Variants in ANKRD36C observed in about 807,000 individuals in gnomAD.
ANKRD36C encodes ankyrin repeat domain 36C.
A neutral mutation model predicts 276.4 loss-of-function variants in ANKRD36C; 61 were observed. That is an observed-to-expected ratio of 0.22 (90% confidence interval 0.18 to 0.27). ANKRD36C has a LOEUF of 0.27. ANKRD36C is among the 10% of genes least tolerant of loss of function. The pLI is 1.00. For synonymous variants in ANKRD36C, 483 were observed against 680.1 expected (o/e 0.71, Z 4.51); for missense variants, 1,447 against 2,032.3 (o/e 0.71, Z 5.54).
intron 44 of ANKRD36C, among the ~76,000 whole-genome samples, chr2:95,892,336 CA>C (rs1306048122): frequency 6.6e-6 from 1 of 151,440 alleles, no homozygotes; most frequent in African/African-American, 2.4e-5. Context: ...GATAACAATT[CA>C]ATTGAATGTA....
chr2:95,882,769 G>A (rs1047282188), intron 54 of ANKRD36C, among the ~76,000 whole-genome samples: 31 of 152,092 alleles, frequency 2.0e-4, no homozygotes, highest in African/African-American at 7.5e-4. Context: ...ATATCAATGT[G>A]GATATACTGA....
At chr2:95,963,972 A>AATATATATATAT (rs1160108122) in intron 6 of ANKRD36C, among the ~76,000 whole-genome samples, 11 of 48,966 alleles carry the variant, frequency 2.2e-4, no homozygotes, top group East Asian at 5.7e-4. Context: ...TATATATATA[A>AATATATATATAT]ATATATATAT....
intron 32 of ANKRD36C, among the ~76,000 whole-genome samples, chr2:95,923,102 G>A (rs796498047): frequency 9.9e-5 from 15 of 151,486 alleles, no homozygotes. Flanking sequence ...AATTTTTACT[G>A]GTTATTATGA....
chr2:95,929,128 T>G (rs779067538), exon 26 of ANKRD36C: 5 of 1,603,276 alleles, frequency 3.1e-6, no homozygotes, highest in Admixed American at 3.3e-5. Flanking sequence ...AACAGAATCT[T>G]TGTCGTCACT....
intron 42 of ANKRD36C, among the ~76,000 whole-genome samples, chr2:95,911,500 G>T (rs1391421226): frequency 6.6e-6 from 1 of 151,420 alleles, no homozygotes; most frequent in Non-Finnish European, 1.5e-5. Flanking sequence ...CCTTGAACAA[G>T]GAAGCCAACG....
At position 95,921,695 on chromosome 2, in the gene ANKRD36C, A is replaced by C. The variant is rs1303657156; in HGVS notation, c.2173-16T>G. The C allele has an allele frequency of 6.3e-7, 1 of 1,594,532 alleles. No individual in the cohort carries two copies. The stretch of plus-strand genomic sequence containing the variant: ...CAGTTGTAGCCTGAATGGAATTTGA[A>C]AGAAAATAATAAATAAATAAATAAA... On this transcript the variant is annotated splice_polypyrimidine_tract_variant and intron_variant, in intron 33 of 66. Transcript: ENST00000456556.
intron 38 of ANKRD36C, 87 bp downstream of exon 40, chr2:95,915,893 C>G: frequency 6.8e-7 from 1 of 1,471,602 alleles, no homozygotes; most frequent in Non-Finnish European, 9.2e-7. Context: ...GAATGTGCAG[C>G]TTCGACCAGC....
intron 40 of ANKRD36C, among the ~76,000 whole-genome samples, chr2:95,913,793 C>G (rs1373484645): frequency 6.6e-6 from 1 of 151,392 alleles, no homozygotes; most frequent in African/African-American, 2.4e-5. Context: ...CTCTCTTTCT[C>G]CTTCCACCCT....
chr2:95,897,270 C>T lies in ANKRD36C; in HGVS notation c.2755+1875G>A, dbSNP rs945678463. On this transcript the variant is annotated intron_variant, in intron 44 of 66. Coordinates refer to ENST00000456556, the Ensembl canonical transcript of ANKRD36C. ...ACATTAAATCTCTTTTCAAAATTACCTCTCCTAGTTTTTTCTCCATGCTTT... is the reference window on the plus strand; with the variant it reads ...ACATTAAATCTCTTTTCAAAATTACTTCTCCTAGTTTTTTCTCCATGCTTT... 15 of 1,500,228 alleles carry T rather than the reference C, an allele frequency of 1.0e-5. No homozygotes were observed. In the Admixed American group the frequency reaches 2.5e-4, roughly 25 times the overall value. The allele number at this position is 1,500,228 out of a possible 1,614,324, so 92.9% of individuals were successfully genotyped here.
rs529640467 is a variant in ANKRD36C at position 95,958,374 on chromosome 2, C to T, written c.1105+217G>A. ...ACTGCTCTCCAATGGTTCTTCTTCC[C>T]AATTTCAATGTAGGGAAGTCTATAA... On this transcript the variant is annotated intron_variant, in intron 12 of 66. Coordinates refer to ENST00000456556, the Ensembl canonical transcript of ANKRD36C. Among the ~76,000 whole-genome samples the T allele has an allele frequency of 3.2e-4, 49 of 152,154 alleles. 3 individuals carry two copies. Among genetic ancestry groups the T allele is most frequent in the Admixed American group, 3.2e-3 (49 of 15,228 alleles).
At position 95,881,692 on chromosome 2, in the gene ANKRD36C, T is replaced by C. The variant is rs368801962; in HGVS notation, c.3367+610A>G. Among the ~76,000 whole-genome samples the C allele has an allele frequency of 1.7e-4, 26 of 152,260 alleles. No homozygotes were observed. The South Asian group carries it at 3.5e-3, about 21-fold the overall frequency. On this transcript the variant is annotated intron_variant, in intron 56 of 66. Transcript: ENST00000456556. Reference sequence around the variant, plus strand: ...CACTCCTTCTTGATTCCAGTAGTCATTGGAGCAGCCAGAAATCAGATGATC... The same window carrying C: ...CACTCCTTCTTGATTCCAGTAGTCACTGGAGCAGCCAGAAATCAGATGATC...
intron 42 of ANKRD36C, among the ~76,000 whole-genome samples, chr2:95,910,165 A>G (rs1573757005): frequency 2.0e-5 from 3 of 151,160 alleles, no homozygotes; most frequent in Admixed American, 2.0e-4. Flanking sequence ...TCCCAACTTC[A>G]ATGTGGGGAA....
intron 24 of ANKRD36C, among the ~76,000 whole-genome samples, chr2:95,930,665 T>C (rs1392263017): frequency 6.6e-6 from 1 of 151,438 alleles, no homozygotes; most frequent in Non-Finnish European, 1.5e-5. Flanking sequence ...TATATATACA[T>C]ATGTCATGAT....
chr2:95,858,363 C>T (rs1675475010), intron 61 of ANKRD36C, among the ~76,000 whole-genome samples: 1 of 152,082 alleles, frequency 6.6e-6, no homozygotes, highest in African/African-American at 2.4e-5. Flanking sequence ...CTTTCTAGTT[C>T]TCATGTTTTT....
At chr2:95,860,000 A>G (rs758193545) in exon 61 of ANKRD36C, 2 of 1,548,744 alleles carry the variant, frequency 1.3e-6, no homozygotes, top group Non-Finnish European at 1.7e-6. Context: ...AGTTGCTCAC[A>G]GTGATTATCT....
intron 6 of ANKRD36C, among the ~76,000 whole-genome samples, chr2:95,975,556 G>A (rs1344318371): frequency 6.6e-6 from 1 of 152,144 alleles, no homozygotes; most frequent in Non-Finnish European, 1.5e-5. Context: ...AATGGTGCTG[G>A]GAAAACTGGC....
Position 95,901,542 on chromosome 2 carries a change from C to A in ANKRD36C, c.2654-2206G>T, listed in dbSNP as rs1207413274. Among the ~76,000 whole-genome samples, 7 of 6,002 alleles carry A rather than the reference C, an allele frequency of 1.2e-3. No homozygotes were observed. In the East Asian group the frequency reaches 0.019, roughly 16 times the overall value. 3.9% of individuals were successfully genotyped at this position (6,002 alleles called of 152,430 possible). A position where few individuals can be genotyped will look rare whatever the true frequency, so the allele number is the denominator to read the frequency against. On this transcript the variant is annotated intron_variant, in intron 42 of 66. Transcript: ENST00000456556. ...AGGAGCAACTCATACACGTGAGAAT[C>A]AATGTCAAAACAGGTGCTACATGAT... is the stretch of plus-strand genomic sequence containing the variant.
Position 95,853,876 on chromosome 2 carries a change from T to C in ANKRD36C, c.4996-15A>G, listed in dbSNP as rs1675349812. 3 of 1,600,250 alleles carry C rather than the reference T, an allele frequency of 1.9e-6. No individual in the cohort carries two copies. Among genetic ancestry groups the C allele is most frequent in the African/African-American group, 2.7e-5 (2 of 74,528 alleles). On this transcript the variant is annotated splice_polypyrimidine_tract_variant and intron_variant, in intron 63 of 66. Transcript: ENST00000456556. ...CTCACAGCTACCTGATAAGATGTTA[T>C]TTTTGTTACTGATTTTACAAATCAC...
intron 59 of ANKRD36C, among the ~76,000 whole-genome samples, chr2:95,869,568 C>G (rs191160377): frequency 5.0e-4 from 76 of 152,354 alleles, no homozygotes; most frequent in African/African-American, 1.6e-3. Flanking sequence ...CAGTCTACAG[C>G]TCCCAGCGTG....
Sources: gnomAD v4.1 joint callset for allele counts (sites outside exome capture counted in the v4.1 genomes callset) on GRCh38, gnomAD v4.1.1 for gene constraint, MANE v1.5 for transcripts, NCBI Gene and HGNC (gene_info 2026-07-23, HGNC 2026-07-21) for gene names.